Variants in COLEC12 observed in about 807,000 individuals in gnomAD.
The protein encoded by COLEC12 is collectin-12.
COLEC12 carries 33 observed loss-of-function variants against 71.1 expected under a neutral mutation model. The observed-to-expected ratio is 0.46, with a 90% CI of 0.35 to 0.62. The LOEUF is 0.62. Ranked by LOEUF, COLEC12 falls within the 20% of genes least tolerant of loss-of-function variation. COLEC12 has a pLI of 0.00. For synonymous variants in COLEC12, 350 were observed against 353.0 expected, an observed-to-expected ratio of 0.99 and a Z score of 0.10; for missense variants, 765 against 916.1, an observed-to-expected ratio of 0.84 and a Z score of 2.13.
At chr18:435,688 A>G (rs1241288624) in intron 2 of COLEC12, among the ~76,000 whole-genome samples, 1 of 152,228 alleles carries the variant, frequency 6.6e-6, no homozygotes, top group African/African-American at 2.4e-5. Flanking sequence ...TGGACAAAGC[A>G]TTCAGAACTC....
At chr18:442,028 C>T (rs1054370326) in intron 2 of COLEC12, among the ~76,000 whole-genome samples, 2 of 150,750 alleles carry the variant, frequency 1.3e-5, no homozygotes, top group Non-Finnish European at 3.0e-5. Flanking sequence ...CACACACACA[C>T]ACACACACAC....
chr18:474,920 A>G (rs1917274484), intron 2 of COLEC12, among the ~76,000 whole-genome samples: 1 of 152,038 alleles, frequency 6.6e-6, no homozygotes, highest in Non-Finnish European at 1.5e-5. Flanking sequence ...TAAAAATACA[A>G]AAAAGTTAGC....
At chr18:461,881 A>G (rs1405557974) in intron 2 of COLEC12, among the ~76,000 whole-genome samples, 2 of 152,224 alleles carry the variant, frequency 1.3e-5, no homozygotes, top group East Asian at 3.9e-4. Context: ...AGGTGGAAGA[A>G]TAAGAATGTT....
At chr18:339,872 C>T (rs1598330598) in intron 5 of COLEC12, among the ~76,000 whole-genome samples, 1 of 151,812 alleles carries the variant, frequency 6.6e-6, no homozygotes, top group Non-Finnish European at 1.5e-5. Context: ...TTTAAAAAGT[C>T]AATACTGGCT....
intron 2 of COLEC12, among the ~76,000 whole-genome samples, chr18:379,948 A>G (rs906920681): frequency 2.0e-5 from 3 of 152,242 alleles, no homozygotes; most frequent in African/African-American, 7.2e-5. Flanking sequence ...TCCGGAGGAA[A>G]GCAAAGATTT....
chr18:366,329 C>T (rs1196121395), intron 2 of COLEC12, among the ~76,000 whole-genome samples: 1 of 152,188 alleles, frequency 6.6e-6, no homozygotes, highest in African/African-American at 2.4e-5. Flanking sequence ...GGACCCCAGG[C>T]ACCTGCATAG....
chr18:480,826 G>A lies in COLEC12; in HGVS notation c.8-69C>T. The A allele has an allele frequency of 1.5e-6, 2 of 1,308,518 alleles. No individual in the cohort carries two copies. Among genetic ancestry groups the A allele is most frequent in the African/African-American group, 1.4e-5 (1 of 69,026 alleles). The allele number at this position is 1,308,518 out of a possible 1,614,324, so 81.1% of individuals were successfully genotyped here. A position where few individuals can be genotyped will look rare whatever the true frequency, so the allele number is the denominator to read the frequency against. ...ACAGAAGCAGAGGGTGGGGCAGGAT[G>A]CGACCTGCTTCATCGCCCCTGCTTG... On this transcript the variant is annotated intron_variant, in intron 1 of 9. Transcript: ENST00000400256. This position sits in a 1 kb window ranked among gnomAD's most constrained non-coding sequence, Gnocchi z 4.1.
chr18:439,596 A>G (rs556705284), intron 2 of COLEC12, among the ~76,000 whole-genome samples: 1 of 151,954 alleles, frequency 6.6e-6, no homozygotes, highest in Non-Finnish European at 1.5e-5. Context: ...TATAATTTAC[A>G]TATCATAAAA....
In COLEC12 at chr18:327,160, T is replaced by C. The variant is rs1913864406; in HGVS notation, c.2063+4508A>G. Among the ~76,000 whole-genome samples the C allele has an allele frequency of 6.6e-6, 1 of 152,136 alleles. No homozygotes were observed. The highest frequency in any genetic ancestry group is 6.5e-5 in the Admixed American group (1 of 15,276). On this transcript the variant is annotated intron_variant, in intron 8 of 9. Coordinates refer to ENST00000400256, the MANE Select transcript of COLEC12 (RefSeq NM_130386.3). The surrounding 1 kb of genome is among the most constrained non-coding windows in gnomAD (Gnocchi z 4.0). Reference sequence around the variant, plus strand: ...AGAATGAAGTTTTCACAGGACCTGGTGAAATGAGAAGAATAAGGACAATGT... The same window carrying C: ...AGAATGAAGTTTTCACAGGACCTGGCGAAATGAGAAGAATAAGGACAATGT...
At chr18:438,654 T>G (rs761783870) in intron 2 of COLEC12, among the ~76,000 whole-genome samples, 22 of 151,718 alleles carry the variant, frequency 1.5e-4, no homozygotes, top group Non-Finnish European at 2.9e-4. Flanking sequence ...CTACAAATAA[T>G]TAAAAAGTTA....
chr18:383,809 G>A (rs1915286084), intron 2 of COLEC12, among the ~76,000 whole-genome samples: 1 of 152,152 alleles, frequency 6.6e-6, no homozygotes, highest in Non-Finnish European at 1.5e-5. Flanking sequence ...AGGAAAGAAA[G>A]GAAAGAGGTA....
chr18:347,295 G>A lies in COLEC12; in HGVS notation c.327C>T (p.Ser109=). 6.2e-7 allele frequency: 1 copy of A among 1,614,146 alleles called. No individual in the cohort carries two copies. Among genetic ancestry groups the A allele is most frequent in the Non-Finnish European group, 8.5e-7 (1 of 1,180,006 alleles). The change falls in exon 5 of 10, where the codon TCC becomes TCT. Residue 109 remains serine (S), a synonymous_variant. Transcript: ENST00000400256. ...KKAISTNSEL[S]TFRSDILDLR... The stretch of plus-strand genomic sequence containing the variant: ...GATCTAGAATGTCTGATCTGAAGGT[G>A]GAGAGTTCTGAGTTGGTGCTGATAG...
At chr18:482,118 C>CTTT (rs35339618) in intron 1 of COLEC12, among the ~76,000 whole-genome samples, 25 of 141,306 alleles carry the variant, frequency 1.8e-4, no homozygotes, top group South Asian at 6.9e-4. Context: ...AGGAGGAACA[C>CTTT]TTTTTTTTTT....
At chr18:494,174 T>C (rs1234318181) in intron 1 of COLEC12, among the ~76,000 whole-genome samples, 1 of 152,204 alleles carries the variant, frequency 6.6e-6, no homozygotes, top group Admixed American at 6.5e-5. Flanking sequence ...ATACTAATAC[T>C]TCCCCACGTG....
chr18:337,195 G>C (rs894558438), intron 5 of COLEC12, among the ~76,000 whole-genome samples: 1 of 151,900 alleles, frequency 6.6e-6, no homozygotes, highest in African/African-American at 2.4e-5. Flanking sequence ...GAAGCAGAAA[G>C]CCTCTAAAGT....
rs71363208 is a variant in COLEC12 at position 337,021 on chromosome 18, C to CT, written c.1328-1792dup. On this transcript the variant is annotated intron_variant, in intron 5 of 9. Transcript: ENST00000400256. Reference sequence around the variant, plus strand: ...CTAGAGGCTTGTGCCACATTGCCTGCTTTTTTTTTTTTTAATTTTTAATGT... The same window carrying CT: ...CTAGAGGCTTGTGCCACATTGCCTGCTTTTTTTTTTTTTTAATTTTTAATGT... 9.8e-3 allele frequency among the ~76,000 whole-genome samples: 1,421 copies of CT among 144,956 alleles called. 14 individuals carry two copies. Among genetic ancestry groups the CT allele is most frequent in the African/African-American group, 0.031 (1,238 of 39,642 alleles).
At chr18:370,497 G>C (rs571784097) in intron 2 of COLEC12, among the ~76,000 whole-genome samples, 1 of 152,184 alleles carries the variant, frequency 6.6e-6, no homozygotes, top group African/African-American at 2.4e-5. Flanking sequence ...TATGGAATTT[G>C]GAATTAGTAC....
intron 2 of COLEC12, among the ~76,000 whole-genome samples, chr18:453,100 T>C (rs1916794126): frequency 6.6e-6 from 1 of 152,218 alleles, no homozygotes; most frequent in Non-Finnish European, 1.5e-5. Context: ...TGGGGTTTGG[T>C]GGTTTATTTT....
At chr18:432,995 G>T (rs1340162426) in intron 2 of COLEC12, among the ~76,000 whole-genome samples, 1 of 152,102 alleles carries the variant, frequency 6.6e-6, no homozygotes, top group East Asian at 1.9e-4. Flanking sequence ...TAAGTCTGTG[G>T]CTTTCATGGC....
Sources: gnomAD v4.1 joint callset for allele counts (sites outside exome capture counted in the v4.1 genomes callset) on GRCh38, gnomAD v4.1.1 for gene constraint, Gnocchi (gnomAD v3.1) non-coding constraint, MANE v1.5 for transcripts, NCBI Gene and HGNC (gene_info 2026-07-23, HGNC 2026-07-21) for gene names.